The following ATP1B1 variants were observed in gnomAD, a reference collection of about 807,000 sequenced individuals.
The protein encoded by ATP1B1 is sodium/potassium-transporting ATPase subunit beta-1.
Under a neutral mutation model 39.6 loss-of-function variants are expected in ATP1B1, and 3 were observed. The observed-to-expected ratio is 0.08, with a 90% CI of 0.03 to 0.20. The LOEUF (loss-of-function observed/expected upper bound fraction) is 0.20. ATP1B1 is among the 10% of genes least tolerant of loss of function. ATP1B1 has a pLI of 1.00. For missense variants in ATP1B1, 216 were observed against 371.1 expected, an observed-to-expected ratio of 0.58 and a Z score of 3.43; for synonymous variants, 139 against 135.0, an observed-to-expected ratio of 1.03 and a Z score of -0.20.
chr1:169,131,748 C>T lies in ATP1B1; in HGVS notation c.*193C>T. 1 of 698,066 alleles carries T rather than the reference C, an allele frequency of 1.4e-6. No homozygotes were observed. The highest frequency in any genetic ancestry group is 1.8e-5 in the African/African-American group (1 of 55,468). The allele number at this position is 698,066 out of a possible 1,614,324, so 43.2% of individuals were successfully genotyped here. A position where few individuals can be genotyped will look rare whatever the true frequency, so the allele number is the denominator to read the frequency against. On this transcript the variant is annotated 3_prime_UTR_variant, in exon 6 of 6. Coordinates refer to ENST00000367815, the MANE Select transcript of ATP1B1 (RefSeq NM_001677.4). The surrounding 1 kb of genome is among the most constrained non-coding windows in gnomAD (Gnocchi z 4.4). ...TAGCAATAGCAACAAAATATTTATT[C>T]TACTGTAAATGACAAAAGAAAAAGA...
In ATP1B1 at chr1:169,106,715, C is replaced by A; in HGVS notation, c.-115C>A. ...ACTCCGAGAGCCGCAGCGGCAGCGG[C>A]GCGTCCTGCCTGCAGAGAGCCAGGC... On this transcript the variant is annotated 5_prime_UTR_variant, in exon 1 of 6. Transcript: ENST00000367815. The A allele has an allele frequency of 1.3e-6, 1 of 743,206 alleles. No individual in the cohort carries two copies. The highest frequency in any genetic ancestry group is 2.0e-6 in the Non-Finnish European group (1 of 497,352). 46.0% of individuals were successfully genotyped at this position (743,206 alleles called of 1,614,324 possible). A position where few individuals can be genotyped will look rare whatever the true frequency, so the allele number is the denominator to read the frequency against.
At chr1:169,125,951 G>A (rs771106382) in intron 3 of ATP1B1, among the ~76,000 whole-genome samples, 37 of 152,082 alleles carry the variant, frequency 2.4e-4, no homozygotes, top group Admixed American at 1.7e-3. Flanking sequence ...CTCCAGCCTG[G>A]GCACCAGTGT....
chr1:169,125,336 C>T (rs187865434), intron 3 of ATP1B1, among the ~76,000 whole-genome samples: 4 of 115,244 alleles, frequency 3.5e-5, no homozygotes, highest in East Asian at 2.7e-3. Context: ...CTCTTACATC[C>T]GTTGAAAAGT....
intron 4 of ATP1B1, 111 bp downstream of exon 4, chr1:169,127,519 G>C: frequency 1.7e-5 from 21 of 1,200,746 alleles, no homozygotes; most frequent in Non-Finnish European, 2.4e-5. Context: ...TGCTGACTTT[G>C]AAACGTAGCC....
intron 3 of ATP1B1, 90 bp downstream of exon 3, chr1:169,125,129 G>A: frequency 7.0e-7 from 1 of 1,424,546 alleles, no homozygotes; most frequent in Non-Finnish European, 9.4e-7. Flanking sequence ...ATGATCGAGA[G>A]ATAATCCTGA....
At chr1:169,113,980 T>C (rs1441067748) in intron 2 of ATP1B1, among the ~76,000 whole-genome samples, 1 of 152,012 alleles carries the variant, frequency 6.6e-6, no homozygotes, top group East Asian at 1.9e-4. Flanking sequence ...CGGGGGCCTT[T>C]ACCAAGGGAC....
Position 169,131,944 on chromosome 1 carries a change from C to G in ATP1B1, c.*389C>G, listed in dbSNP as rs748565613. 8 of 315,146 alleles carry G rather than the reference C, an allele frequency of 2.5e-5. No homozygotes were observed. The highest frequency in any genetic ancestry group is 3.0e-5 in the Non-Finnish European group (5 of 169,366). 19.5% of individuals were successfully genotyped at this position (315,146 alleles called of 1,614,324 possible). The stretch of plus-strand genomic sequence containing the variant: ...TTTTTCAAGCCATGTTTTATTGTAT[C>G]TGTTTTCTACTTTATGTGAGCAAGG... On this transcript the variant is annotated 3_prime_UTR_variant, in exon 6 of 6. Coordinates refer to ENST00000367815, the MANE Select transcript of ATP1B1 (RefSeq NM_001677.4). The surrounding 1 kb of genome is among the most constrained non-coding windows in gnomAD (Gnocchi z 4.4).
Position 169,114,277 on chromosome 1 carries a change from G to A in ATP1B1, c.226+2779G>A, listed in dbSNP as rs577244549. On this transcript the variant is annotated intron_variant, in intron 2 of 5. Transcript: ENST00000367815. Reference sequence around the variant, plus strand: ...TTAAGAATACCCTGACAATTTTTTGGCTTCACATTAGTATCTTTAAAGCCT... The same window carrying A: ...TTAAGAATACCCTGACAATTTTTTGACTTCACATTAGTATCTTTAAAGCCT... 6.6e-5 allele frequency among the ~76,000 whole-genome samples: 10 copies of A among 151,850 alleles called. No homozygotes were observed. In the Middle Eastern group the frequency reaches 0.01, roughly 155 times the overall value.
intron 1 of ATP1B1, among the ~76,000 whole-genome samples, chr1:169,109,640 TA>T (rs139308876): frequency 1.6e-3 from 249 of 152,322 alleles, no homozygotes; most frequent in African/African-American, 5.7e-3. Context: ...ATTTGTATTT[TA>T]AACTGTAGCC....
chr1:169,131,679 C>T lies in ATP1B1; in HGVS notation c.*124C>T. ...ACCTACACTTAATCTATATGCTTTACACTAGCTTTCTGCATTTAATAGGTT... is the reference window on the plus strand; with the variant it reads ...ACCTACACTTAATCTATATGCTTTATACTAGCTTTCTGCATTTAATAGGTT... On this transcript the variant is annotated 3_prime_UTR_variant, in exon 6 of 6. Coordinates refer to ENST00000367815, the MANE Select transcript of ATP1B1 (RefSeq NM_001677.4). The surrounding 1 kb of genome is among the most constrained non-coding windows in gnomAD (Gnocchi z 4.4). 3 of 1,090,292 alleles carry T rather than the reference C, an allele frequency of 2.8e-6. No homozygotes were observed. The highest frequency in any genetic ancestry group is 3.9e-6 in the Non-Finnish European group (3 of 777,524). The allele number at this position is 1,090,292 out of a possible 1,614,324, so 67.5% of individuals were successfully genotyped here.
rs1271193327 is a variant in ATP1B1 at position 169,132,553 on chromosome 1, T to A, written c.*998T>A. The A allele has an allele frequency of 2.3e-6, 1 of 432,872 alleles. No individual in the cohort carries two copies. The highest frequency in any genetic ancestry group is 4.1e-6 in the Non-Finnish European group (1 of 246,578). 26.8% of individuals were successfully genotyped at this position (432,872 alleles called of 1,614,324 possible). ...CACTTGTTTGAAAATAAATCTTTAT[T>A]TTGAACTTTATAAAAAGCAATGCAG... On this transcript the variant is annotated 3_prime_UTR_variant, in exon 6 of 6. Coordinates refer to ENST00000367815, the MANE Select transcript of ATP1B1 (RefSeq NM_001677.4).
Position 169,115,788 on chromosome 1 carries a change from T to C in ATP1B1, c.226+4290T>C, listed in dbSNP as rs115402517. 7.1e-3 allele frequency among the ~76,000 whole-genome samples: 1,089 copies of C among 152,364 alleles called. 8 individuals carry two copies. Among genetic ancestry groups the C allele is most frequent in the Non-Finnish European group, 0.013 (862 of 68,028 alleles). Reference sequence around the variant, plus strand: ...AAAACCTTAGCTTTCCATGGAAATGTTTAAGAGACATTTGGGAAACATGTT... The same window carrying C: ...AAAACCTTAGCTTTCCATGGAAATGCTTAAGAGACATTTGGGAAACATGTT... On this transcript the variant is annotated intron_variant, in intron 2 of 5. Transcript: ENST00000367815.
At chr1:169,113,175 C>G (rs1015182469) in intron 2 of ATP1B1, among the ~76,000 whole-genome samples, 4 of 152,032 alleles carry the variant, frequency 2.6e-5, no homozygotes, top group African/African-American at 9.7e-5. Context: ...AAGCGATTCT[C>G]CTGTCTCAGC....
chr1:169,123,423 T>G (rs1658023858), intron 2 of ATP1B1, among the ~76,000 whole-genome samples: 1 of 151,818 alleles, frequency 6.6e-6, no homozygotes, highest in Non-Finnish European at 1.5e-5. Context: ...GAAGCCAGGG[T>G]AGAGTCACTT....
rs145356218 is a variant in ATP1B1 at position 169,127,381 on chromosome 1, C to A, written c.540C>A (p.Leu180=). 1.9e-6 allele frequency: 3 copies of A among 1,611,586 alleles called. No individual in the cohort carries two copies. Among genetic ancestry groups the A allele is most frequent in the Non-Finnish European group, 2.5e-6 (3 of 1,179,418 alleles). ...GCAAACCGTGCATTATTATAAAGCT[C>A]AACCGAGTTCTAGGCTTCAAACCTA... ...KEGKPCIIIK[L]NRVLGFKPKP... is the part of the protein sequence containing the mutation. Residue 180 remains leucine, a synonymous_variant, in exon 4 of 6, where the codon CTC becomes CTA. Transcript: ENST00000367815.
rs1029605873 is a variant in ATP1B1 at position 169,107,536 on chromosome 1, T to G, written c.97+610T>G. Among the ~76,000 whole-genome samples, 7 of 152,124 alleles carry G rather than the reference T, an allele frequency of 4.6e-5. 1 individual carries two copies. The highest frequency in any genetic ancestry group is 8.8e-5 in the Non-Finnish European group (6 of 68,012). ...GGTTCAATAAGCTCCATTTCAGGAC[T>G]CCGATTCTTAGCTTTGGCCCGAAAC... On this transcript the variant is annotated intron_variant, in intron 1 of 5. Transcript: ENST00000367815.
intron 2 of ATP1B1, among the ~76,000 whole-genome samples, chr1:169,123,575 A>C (rs12565662): frequency 0.052 from 3,177 of 60,602 alleles, 94 homozygotes; most frequent in African/African-American, 0.1. Context: ...GTTAAACTAT[A>C]TCTCTCTCTC....
chr1:169,130,565 G>A (rs1323820653), intron 5 of ATP1B1, among the ~76,000 whole-genome samples: 1 of 152,092 alleles, frequency 6.6e-6, no homozygotes, highest in Non-Finnish European at 1.5e-5. Context: ...GAGATGGGCA[G>A]ATAATGAGGT....
rs141007053 is a variant in ATP1B1, at chr1:169,126,287, C to T, written c.383-937C>T. ...CAAGGAGATAGTCTAAATTCAGACT[C>T]TTCGCTATTTGAAGGGAAAATAGTT... On this transcript the variant is annotated intron_variant, in intron 3 of 5. Coordinates refer to ENST00000367815, the MANE Select transcript of ATP1B1 (RefSeq NM_001677.4). Among the ~76,000 whole-genome samples, 506 of 152,270 alleles carry T rather than the reference C, an allele frequency of 3.3e-3. 2 individuals are homozygous for T. Among genetic ancestry groups the T allele is most frequent in the Non-Finnish European group, 4.6e-3 (314 of 68,030 alleles).
Sources: allele counts gnomAD v4.1 joint callset (sites outside exome capture counted in the v4.1 genomes callset), GRCh38; gene constraint gnomAD v4.1.1; non-coding constraint Gnocchi (gnomAD v3.1); transcripts MANE v1.5; gene names NCBI Gene and HGNC (gene_info 2026-07-23, HGNC 2026-07-21).